The following NGFR variants were observed in gnomAD, a reference collection of about 807,000 sequenced individuals.
NGFR encodes tumor necrosis factor receptor superfamily member 16.
In NGFR, 30 loss-of-function variants were observed where a neutral mutation model predicts 43.2. That is an observed-to-expected ratio of 0.69 (90% CI 0.52 to 0.94). The LOEUF is 0.94. NGFR is among the 40% of genes least tolerant of loss of function. The pLI is 0.00. For missense variants in NGFR, 529 were observed against 602.5 expected (o/e 0.88, Z 1.28); for synonymous variants, 246 against 259.6 (o/e 0.95, Z 0.50).
At chr17:49,511,769 G>A (rs2071233924) in intron 4 of NGFR, 123 bp from the exon 5 acceptor site, 6 of 1,143,242 alleles carry the variant, frequency 5.2e-6, no homozygotes, top group Non-Finnish European at 7.2e-6. Flanking sequence ...AGATGGTGGG[G>A]TGGCGGTTAT....
chr17:49,501,974 A>G, intron 1 of NGFR, 89 bp from the exon 2 acceptor site: 1 of 1,334,496 alleles, frequency 7.5e-7, no homozygotes, highest in Non-Finnish European at 1.0e-6. Flanking sequence ...AGGCAGTGGG[A>G]GGAGGGTGTT....
rs767218972 is a variant in NGFR at position 49,510,660 on chromosome 17, A to G, written c.817A>G (p.Lys273Glu). 6.2e-7 allele frequency: 1 copy of G among 1,611,500 alleles called. No homozygotes were observed. Among genetic ancestry groups the G allele is most frequent in the Non-Finnish European group, 8.5e-7 (1 of 1,177,888 alleles). ...GGGCCTTGTGGCCTACATAGCCTTC[A>G]AGAGGTAAGAGAGGGCACGGTGGCG... is the stretch of plus-strand genomic sequence containing the variant. ...VVGLVAYIAF[K>E]RWNSCKQNKQ... is the part of the protein sequence containing the mutation. The change falls in exon 4 of 6, where the codon AAG (lysine) becomes GAG (glutamate). Residue 273 changes from lysine to glutamate, a missense_variant. Physicochemically the swap from Lys to Glu is moderately conservative, Grantham distance 56. Coordinates refer to ENST00000172229, the MANE Select transcript of NGFR (RefSeq NM_002507.4).
At chr17:49,501,775 T>A (rs2071168069) in intron 1 of NGFR, among the ~76,000 whole-genome samples, 1 of 152,196 alleles carries the variant, frequency 6.6e-6, no homozygotes, top group African/African-American at 2.4e-5. Flanking sequence ...ATGTGGTATA[T>A]CCTTGGGATT....
chr17:49,507,231 G>A (rs992918173), intron 3 of NGFR, among the ~76,000 whole-genome samples: 2 of 152,124 alleles, frequency 1.3e-5, no homozygotes, highest in Non-Finnish European at 2.9e-5. Flanking sequence ...TCTGGGCCTC[G>A]GTTTCCTCAC....
At position 49,512,107 on chromosome 17, in the gene NGFR, G is replaced by GT; in HGVS notation, c.982+55_982+56insT. On this transcript the variant is annotated intron_variant, in intron 5 of 5. Transcript: ENST00000172229. The surrounding 1 kb of genome is among the most constrained non-coding windows in gnomAD (Gnocchi z 5.2). ...CGGAGCTGAGGCTGAGGAAACAGAA[G>GT]CAATTAAGATTAGACTCCAGGAAGG... is the stretch of plus-strand genomic sequence containing the variant. 6.3e-7 allele frequency: 1 copy of GT among 1,582,276 alleles called. No individual in the cohort carries two copies. The highest frequency in any genetic ancestry group is 1.3e-5 in the African/African-American group (1 of 74,280).
Position 49,495,436 on chromosome 17 carries a change from G to T in NGFR, c.19G>T (p.Gly7Cys). 8.1e-7 allele frequency: 1 copy of T among 1,235,920 alleles called. No individual in the cohort carries two copies. Among genetic ancestry groups the T allele is most frequent in the Non-Finnish European group, 1.0e-6 (1 of 988,852 alleles). The allele number at this position is 1,235,920 out of a possible 1,614,324, so 76.6% of individuals were successfully genotyped here. A position where few individuals can be genotyped will look rare whatever the true frequency, so the allele number is the denominator to read the frequency against. The change falls in exon 1 of 6, where the codon GGC (glycine) becomes TGC (cysteine). Residue 7 changes from glycine to cysteine, a missense_variant. Transcript: ENST00000172229. This position sits in a 1 kb window ranked among gnomAD's most constrained non-coding sequence, Gnocchi z 6.4. Reference sequence around the variant, plus strand: ...GCGGGCGATGGGGGCAGGTGCCACCGGCCGCGCCATGGACGGGCCGCGCCT... The same window carrying T: ...GCGGGCGATGGGGGCAGGTGCCACCTGCCGCGCCATGGACGGGCCGCGCCT... MGAGAT[G>C]RAMDGPRLLL...
intron 4 of NGFR, 99 bp from the exon 5 acceptor site, chr17:49,511,793 C>A: frequency 7.3e-7 from 1 of 1,377,218 alleles, no homozygotes; most frequent in South Asian, 1.6e-5. Context: ...TGGGCACCCG[C>A]CATGCCCCTG....
At chr17:49,501,454 G>C (rs2071166487) in intron 1 of NGFR, among the ~76,000 whole-genome samples, 1 of 152,238 alleles carries the variant, frequency 6.6e-6, no homozygotes, top group Non-Finnish European at 1.5e-5. Flanking sequence ...AAGACCCCCA[G>C]TGTAGAGTCA....
intron 2 of NGFR, among the ~76,000 whole-genome samples, chr17:49,503,067 A>G (rs540631739): frequency 2.6e-5 from 4 of 152,046 alleles, no homozygotes; most frequent in Non-Finnish European, 5.9e-5. Context: ...GGGTGCATGC[A>G]TGCCACCATG....
At position 49,502,046 on chromosome 17, in the gene NGFR, G is replaced by A. The variant is rs201424661; in HGVS notation, c.67-17G>A. ...CTTTCTCTTGCCAGTCTGACCCTCC[G>A]ATCTCCCTCCATCCAGGTGTCCCTT... On this transcript the variant is annotated splice_polypyrimidine_tract_variant and intron_variant, in intron 1 of 5. Transcript: ENST00000172229. The A allele has an allele frequency of 2.2e-4, 236 of 1,071,826 alleles. No individual in the cohort carries two copies. The highest frequency in any genetic ancestry group is 2.0e-4 in the Non-Finnish European group (166 of 836,854). The allele number at this position is 1,071,826 out of a possible 1,614,324, so 66.4% of individuals were successfully genotyped here. A position where few individuals can be genotyped will look rare whatever the true frequency, so the allele number is the denominator to read the frequency against.
chr17:49,501,999 A>AGGGGGCCCCCCCCCCCCCCCCCCCCACCC, intron 1 of NGFR, 64 bp from the exon 2 acceptor site: 1 of 330,984 alleles, frequency 3.0e-6, no homozygotes, highest in Non-Finnish European at 5.9e-6. Context: ...TCCCCGGAAG[A>AGGGGGCCCCCCCCCCCCCCCCCCCCACCC]ACCCCCCCCA....
Position 49,495,787 on chromosome 17 carries a change from G to T in NGFR, c.66+304G>T. 1.4e-5 allele frequency: 5 copies of T among 352,180 alleles called. No homozygotes were observed. Among genetic ancestry groups the T allele is most frequent in the Non-Finnish European group, 2.0e-5 (4 of 196,462 alleles). 21.8% of individuals were successfully genotyped at this position (352,180 alleles called of 1,614,324 possible). A position where few individuals can be genotyped will look rare whatever the true frequency, so the allele number is the denominator to read the frequency against. On this transcript the variant is annotated intron_variant, in intron 1 of 5. Transcript: ENST00000172229. This position sits in a 1 kb window ranked among gnomAD's most constrained non-coding sequence, Gnocchi z 6.4. ...AAGAGGGGGCATGGGGCTCTCCGAT[G>T]CCCAGGTTCTTCGGAAGAGGACACT...
intron 3 of NGFR, among the ~76,000 whole-genome samples, chr17:49,509,394 C>T (rs931555117): frequency 9.6e-4 from 146 of 152,258 alleles, no homozygotes; most frequent in African/African-American, 3.0e-3. Flanking sequence ...TGAGGAGGGA[C>T]GGGGTAGGCA....
At chr17:49,510,022 G>A (rs1251615515) in intron 3 of NGFR, among the ~76,000 whole-genome samples, 1 of 152,162 alleles carries the variant, frequency 6.6e-6, no homozygotes, top group African/African-American at 2.4e-5. Flanking sequence ...GCTTCTTTGT[G>A]TGTTTGCTCC....
intron 2 of NGFR, among the ~76,000 whole-genome samples, chr17:49,505,344 T>C (rs2071190504): frequency 6.6e-6 from 1 of 152,202 alleles, no homozygotes; most frequent in Non-Finnish European, 1.5e-5. Flanking sequence ...GGATAGGTCC[T>C]GCCAGATCCA....
intron 4 of NGFR, chr17:49,511,243 T>C (rs1365838497): frequency 6.5e-6 from 1 of 153,994 alleles, no homozygotes; most frequent in East Asian, 1.9e-4. Context: ...TCTCTCCTTA[T>C]TGGAATCTGT....
chr17:49,506,521 C>T lies in NGFR; in HGVS notation c.431C>T (p.Thr144Ile), dbSNP rs1469785961. 3.1e-6 allele frequency: 5 copies of T among 1,611,838 alleles called. No individual in the cohort carries two copies. The highest frequency in any genetic ancestry group is 3.3e-5 in the Admixed American group (2 of 59,984). Residue 144 changes from threonine (T) to isoleucine (I), a missense_variant, in exon 3 of 6, where the codon ACC (threonine) becomes ATC (isoleucine). By Grantham distance (89) the Thr-to-Ile change is moderately conservative. Transcript: ENST00000172229. Reference sequence around the variant, plus strand: ...TTCTCCTGCCAGGACAAGCAGAACACCGTGTGCGAGGAGTGCCCCGACGGC... The same window carrying T: ...TTCTCCTGCCAGGACAAGCAGAACATCGTGTGCGAGGAGTGCCCCGACGGC... ...LVFSCQDKQN[T>I]VCEECPDGTY...
intron 1 of NGFR, among the ~76,000 whole-genome samples, chr17:49,501,751 T>C (rs627905): frequency 0.77 from 117,926 of 152,194 alleles, 46,428 homozygotes; most frequent in African/African-American, 0.94. Flanking sequence ...GCTGGGCCTC[T>C]GGCCACCTTC....
chr17:49,502,515 A>T (rs2071172893), intron 2 of NGFR, among the ~76,000 whole-genome samples: 1 of 152,126 alleles, frequency 6.6e-6, no homozygotes, highest in African/African-American at 2.4e-5. Flanking sequence ...GGAGTAGCTG[A>T]TGCTAAGACC....
Sources: allele counts gnomAD v4.1 joint callset (sites outside exome capture counted in the v4.1 genomes callset), GRCh38; gene constraint gnomAD v4.1.1; non-coding constraint Gnocchi (gnomAD v3.1); transcripts MANE v1.5; gene names NCBI Gene and HGNC (gene_info 2026-07-23, HGNC 2026-07-21).